The following ITGB7 variants were observed in gnomAD, a reference collection of about 807,000 sequenced individuals.
The protein encoded by ITGB7 is integrin subunit beta 7, also known as integrin beta-7.
A neutral mutation model predicts 83.4 loss-of-function variants in ITGB7; 55 were observed. The ratio of observed to expected loss-of-function variants is 0.66; its 90% CI spans 0.53 to 0.83. The LOEUF is 0.83. Ranked by LOEUF, ITGB7 falls within the 40% of genes least tolerant of loss-of-function variation. ITGB7 has a pLI of 0.00. For missense variants in ITGB7, 921 were observed against 1,046.7 expected (o/e 0.88, Z 1.66); for synonymous variants, 454 against 423.6 (o/e 1.07, Z -0.88).
chr12:53,200,175 G>T, intron 3 of ITGB7, 68 bp downstream of exon 3: 1 of 1,327,090 alleles, frequency 7.5e-7, no homozygotes, highest in Non-Finnish European at 1.1e-6. Context: ...CATATATCCA[G>T]GCTGCACATA....
In ITGB7 at chr12:53,192,836, C is replaced by A; in HGVS notation, c.1801G>T (p.Asp601Tyr). Residue 601 changes from aspartate (D) to tyrosine (Y), a missense_variant, in exon 13 of 16, where the codon GAC becomes TAC. Physicochemically the swap from Asp to Tyr is radical, Grantham distance 160. Transcript: ENST00000267082. ...RTGRACECSG[D>Y]MDSCISPEGG... ...TCGGGACTGATGCAACTGTCCATGT[C>A]CCCACTGCATTCGCATGCTCTGCCC... 6.2e-7 allele frequency: 1 copy of A among 1,614,222 alleles called. No homozygotes were observed. Among genetic ancestry groups the A allele is most frequent in the East Asian group, 2.2e-5 (1 of 44,890 alleles).
intron 1 of ITGB7, 89 bp downstream of exon 1, chr12:53,207,113 G>A (rs1942460179): frequency 6.5e-6 from 1 of 152,680 alleles, no homozygotes; most frequent in South Asian, 2.1e-4. Flanking sequence ...TCGGTATCCA[G>A]GTCAGAGCCC....
chr12:53,197,922 C>A lies in ITGB7; in HGVS notation c.231G>T (p.Ala77=), dbSNP rs560213889. 5 of 1,543,282 alleles carry A rather than the reference C, an allele frequency of 3.2e-6. No individual in the cohort carries two copies. The highest frequency in any genetic ancestry group is 4.3e-6 in the Non-Finnish European group (5 of 1,152,274). ...LNFTASGEAE[A]RRCARREELL... is the part of the protein sequence containing the mutation. Reference sequence around the variant, plus strand: ...GCTCCTCTCGTCGGGCGCAGCGCCGCGCCTCCGCCTCTCCCGACGCGGTGA... The same window carrying A: ...GCTCCTCTCGTCGGGCGCAGCGCCGAGCCTCCGCCTCTCCCGACGCGGTGA... Residue 77 remains alanine, a synonymous_variant, in exon 4 of 16, where the codon GCG becomes GCT. Transcript: ENST00000267082.
At position 53,197,886 on chromosome 12, in the gene ITGB7, T is replaced by G. The variant is rs2120477216; in HGVS notation, c.267A>C (p.Arg89=). 1 of 1,535,988 alleles carries G rather than the reference T, an allele frequency of 6.5e-7. No individual in the cohort carries two copies. Among genetic ancestry groups the G allele is most frequent in the East Asian group, 2.5e-5 (1 of 40,768 alleles). Residue 89 remains arginine (R), a synonymous_variant, in exon 4 of 16, where the codon CGA becomes CGC. Transcript: ENST00000267082. ...CCTCCAGCTCCTCCAGCGGGCAGCCTCGAGCCAGCAGCTCCTCTCGTCGGG... is the reference window on the plus strand; with the variant it reads ...CCTCCAGCTCCTCCAGCGGGCAGCCGCGAGCCAGCAGCTCCTCTCGTCGGG... ...RCARREELLA[R]GCPLEELEEP...
intron 6 of ITGB7, 65 bp from the exon 7 acceptor site, chr12:53,196,264 T>C: frequency 6.4e-7 from 1 of 1,567,524 alleles, no homozygotes; most frequent in Non-Finnish European, 8.7e-7. Context: ...CCCAGCCAGC[T>C]CTGTGAGCCA....
At position 53,192,813 on chromosome 12, in the gene ITGB7, G is replaced by C; in HGVS notation, c.1824C>G (p.Pro608=). 6.2e-7 allele frequency: 1 copy of C among 1,614,190 alleles called. No individual in the cohort carries two copies. Among genetic ancestry groups the C allele is most frequent in the South Asian group, 1.1e-5 (1 of 91,084 alleles). Residue 608 remains proline, a synonymous_variant, in exon 13 of 16, where the codon CCC becomes CCG. Coordinates refer to ENST00000267082, the MANE Select transcript of ITGB7 (RefSeq NM_000889.3). ...CSGDMDSCIS[P]EGGLCSGHGR... ...CATGCCCACTGCAGAGCCCTCCCTCGGGACTGATGCAACTGTCCATGTCCC... is the reference window on the plus strand; with the variant it reads ...CATGCCCACTGCAGAGCCCTCCCTCCGGACTGATGCAACTGTCCATGTCCC...
chr12:53,205,592 T>A (rs915005944), intron 1 of ITGB7, among the ~76,000 whole-genome samples: 1 of 152,182 alleles, frequency 6.6e-6, no homozygotes, highest in Non-Finnish European at 1.5e-5. Flanking sequence ...TTTGTAATAC[T>A]GGTGTGTATT....
chr12:53,194,021 C>G (rs1359067627), intron 10 of ITGB7, 120 bp from the exon 11 acceptor site: 3 of 1,300,496 alleles, frequency 2.3e-6, no homozygotes, highest in African/African-American at 1.5e-5. Flanking sequence ...TGTTAACACC[C>G]AACTCCTAGA....
At chr12:53,196,516 C>A in intron 6 of ITGB7, 63 bp downstream of exon 6, 1 of 1,557,026 alleles carries the variant, frequency 6.4e-7, no homozygotes, top group South Asian at 1.2e-5. Flanking sequence ...ACTACACAAC[C>A]ATAAGGGGCA....
At chr12:53,191,671 C>T in intron 15 of ITGB7, 35 bp from the exon 16 acceptor site, 1 of 1,587,724 alleles carries the variant, frequency 6.3e-7, no homozygotes, top group Non-Finnish European at 8.7e-7. Flanking sequence ...AAGCAAAAAT[C>T]CCAGGATTCC....
intron 5 of ITGB7, chr12:53,197,084 TG>T: frequency 3.5e-6 from 2 of 564,878 alleles, no homozygotes; most frequent in African/African-American, 1.9e-5. Flanking sequence ...GTATAGGATA[TG>T]GTAGCAGCAT....
chr12:53,202,414 G>A (rs540490645), intron 1 of ITGB7, among the ~76,000 whole-genome samples: 56 of 152,182 alleles, frequency 3.7e-4, no homozygotes, highest in Middle Eastern at 3.4e-3. Context: ...GAGTGCAGTC[G>A]CGCCATCTCA....
intron 1 of ITGB7, among the ~76,000 whole-genome samples, chr12:53,204,022 A>G (rs527373268): frequency 6.6e-6 from 1 of 152,348 alleles, no homozygotes; most frequent in South Asian, 2.1e-4. Flanking sequence ...ATGTCCATCA[A>G]CTGATGAATG....
At chr12:53,196,961 GC>G in intron 5 of ITGB7, 141 bp from the exon 6 acceptor site, 1 of 914,070 alleles carries the variant, frequency 1.1e-6, no homozygotes, top group Non-Finnish European at 1.6e-6. Flanking sequence ...CTGGTAACTG[GC>G]AAGCAAAGCA....
In ITGB7 at chr12:53,192,391, G is replaced by A; in HGVS notation, c.2094C>T (p.Phe698=). The change falls in exon 14 of 16, where the codon TTC becomes TTT. Residue 698 remains phenylalanine (F), a synonymous_variant. Transcript: ENST00000267082. ...TGGCGTCATCCTCCACCAAGAAGAA[G>A]AACAGCTGGTTGTCCAGGGTCCGCT... ...CKERTLDNQL[F]FFLVEDDARG... is the part of the protein sequence containing the mutation. The A allele has an allele frequency of 1.2e-6, 2 of 1,614,118 alleles. No homozygotes were observed. Among genetic ancestry groups the A allele is most frequent in the South Asian group, 1.1e-5 (1 of 91,070 alleles).
At chr12:53,194,488 A>G in intron 9 of ITGB7, 144 bp from the exon 10 acceptor site, 1 of 744,828 alleles carries the variant, frequency 1.3e-6, no homozygotes. Flanking sequence ...CAGTCGAGGC[A>G]TTTCTGGAGG....
At chr12:53,197,388 TG>T in intron 5 of ITGB7, 104 bp downstream of exon 5, 1 of 1,336,966 alleles carries the variant, frequency 7.5e-7, no homozygotes, top group Non-Finnish European at 1.1e-6. Context: ...TGTCAACAAC[TG>T]GGAGGGCAAG....
intron 1 of ITGB7, among the ~76,000 whole-genome samples, chr12:53,204,295 G>A (rs144192329): frequency 0.016 from 2,460 of 151,674 alleles, 24 homozygotes; most frequent in South Asian, 0.04. Context: ...CAGGAAAATC[G>A]CTTGAACCCA....
chr12:53,194,404 T>G (rs1942084572), intron 9 of ITGB7, 60 bp from the exon 10 acceptor site: 6 of 1,548,044 alleles, frequency 3.9e-6, no homozygotes, highest in Non-Finnish European at 5.3e-6. Flanking sequence ...CAACCCCACC[T>G]TATGTCCTCT....
Sources: gnomAD v4.1 joint callset for allele counts (sites outside exome capture counted in the v4.1 genomes callset) on GRCh38, gnomAD v4.1.1 for gene constraint, MANE v1.5 for transcripts, NCBI Gene and HGNC (gene_info 2026-07-23, HGNC 2026-07-21) for gene names.